Variants in PDE7A observed in about 807,000 individuals in gnomAD.
The protein encoded by PDE7A is high affinity 3',5'-cyclic-AMP phosphodiesterase 7A.
PDE7A carries 39 observed loss-of-function variants against 64.3 expected under a neutral mutation model. The observed-to-expected ratio is 0.61, with a 90% CI of 0.47 to 0.79. The LOEUF is 0.79. Among genes scored for constraint, PDE7A ranks in the 30% least tolerant of loss-of-function variants. The pLI, the probability that PDE7A is intolerant of heterozygous loss-of-function variation, is 0.00. For synonymous variants in PDE7A, 203 were observed against 206.8 expected (o/e 0.98, Z 0.16); for missense variants, 470 against 582.8 (o/e 0.81, Z 1.99).
intron 3 of PDE7A, among the ~76,000 whole-genome samples, chr8:65,778,035 T>G (rs1231452112): frequency 6.6e-6 from 1 of 152,192 alleles, no homozygotes. Flanking sequence ...CTTAATTACT[T>G]TTTCAAAACA....
chr8:65,756,162 C>T (rs185321493), intron 3 of PDE7A, among the ~76,000 whole-genome samples: 1 of 152,164 alleles, frequency 6.6e-6, no homozygotes, highest in Non-Finnish European at 1.5e-5. Context: ...TTGTACAAGA[C>T]AAGTTGCTTC....
At chr8:65,822,793 C>T (rs954703063) in intron 1 of PDE7A, among the ~76,000 whole-genome samples, 15 of 152,108 alleles carry the variant, frequency 9.9e-5, no homozygotes, top group Non-Finnish European at 2.1e-4. Context: ...CAAGAACCCC[C>T]AAATGTTTGA....
intron 9 of PDE7A, chr8:65,725,352 G>C (rs1216089716): frequency 6.4e-6 from 1 of 155,820 alleles, no homozygotes; most frequent in Non-Finnish European, 1.4e-5. Flanking sequence ...GATTCAAATA[G>C]AAAGAATAAT....
intron 2 of PDE7A, 38 bp from the exon 3 acceptor site, chr8:65,779,841 T>C (rs377114373): frequency 1.9e-4 from 258 of 1,352,228 alleles, no homozygotes; most frequent in Non-Finnish European, 2.5e-4. Context: ...GTTTAGAAGG[T>C]TGTCATTCGG....
chr8:65,836,162 C>T (rs1231110571), intron 1 of PDE7A, among the ~76,000 whole-genome samples: 2 of 152,178 alleles, frequency 1.3e-5, no homozygotes, highest in African/African-American at 4.8e-5. Context: ...CCACACTAGT[C>T]CCTGTATCAG....
At chr8:65,733,648 G>T (rs1806998649) in intron 7 of PDE7A, among the ~76,000 whole-genome samples, 1 of 152,060 alleles carries the variant, frequency 6.6e-6, no homozygotes, top group Non-Finnish European at 1.5e-5. Context: ...TGGGTGGTTG[G>T]GAGTATACAT....
At chr8:65,756,090 ATTCCCTTCTGGCCACCAAGG>A in intron 3 of PDE7A, among the ~76,000 whole-genome samples, 1 of 152,326 alleles carries the variant, frequency 6.6e-6, no homozygotes, top group Non-Finnish European at 1.5e-5. Context: ...ATGTTAGTTT[ATTCCCTTCTGGCCACCAAGG>A]TTCTTAATGA....
intron 1 of PDE7A, among the ~76,000 whole-genome samples, chr8:65,783,573 C>T (rs986347752): frequency 6.6e-6 from 1 of 152,176 alleles, no homozygotes; most frequent in Non-Finnish European, 1.5e-5. Context: ...AATCTACAGC[C>T]ACCTAGAAGC....
chr8:65,753,506 T>TCCCCACCCTCACCCAC, intron 3 of PDE7A, among the ~76,000 whole-genome samples: 1 of 152,190 alleles, frequency 6.6e-6, no homozygotes, highest in East Asian at 1.9e-4. Flanking sequence ...CAGGGTGAGC[T>TCCCCACCCTCACCCAC]CCCCACCCTC....
In PDE7A at chr8:65,715,984, A is replaced by G; in HGVS notation, c.*3306T>C. 8.2e-6 allele frequency among the ~76,000 whole-genome samples: 1 copy of G among 121,788 alleles called. No individual in the cohort carries two copies. Among genetic ancestry groups the G allele is most frequent in the African/African-American group, 3.0e-5 (1 of 33,530 alleles). 79.9% of individuals were successfully genotyped at this position (121,788 alleles called of 152,430 possible). A position where few individuals can be genotyped will look rare whatever the true frequency, so the allele number is the denominator to read the frequency against. On this transcript the variant is annotated 3_prime_UTR_variant, in exon 13 of 13. Transcript: ENST00000401827. ...TGCACTCCAGCCTGGGCGACAGAGC[A>G]AGGCTCTGTCTCAAAAAAAAAAAAA...
At position 65,745,447 on chromosome 8, in the gene PDE7A, AT is replaced by A; in HGVS notation, c.458del (p.Asn153IlefsTer12). 1 of 1,573,598 alleles carries A rather than the reference AT, an allele frequency of 6.4e-7. No homozygotes were observed. Among genetic ancestry groups the A allele is most frequent in the Non-Finnish European group, 8.7e-7 (1 of 1,143,284 alleles). ...QAKCMLEKVG[N>X]WNFDIFLFDR... ...CAAATAGAAAGATATCAAAATTCCA[AT>A]TTCCAACTTTTTCCAGCATACACTG... is the stretch of plus-strand genomic sequence containing the variant. On this transcript the variant is annotated frameshift_variant, in exon 5 of 13. Transcript: ENST00000401827. LOFTEE classifies it high-confidence loss of function.
chr8:65,758,587 A>G (rs1040832311), intron 3 of PDE7A, among the ~76,000 whole-genome samples: 1 of 152,246 alleles, frequency 6.6e-6, no homozygotes, highest in African/African-American at 2.4e-5. Flanking sequence ...GACGGTGAGT[A>G]AGCCAGCCCT....
At chr8:65,745,369 G>C (rs1024065488) in intron 5 of PDE7A, 38 bp downstream of exon 5, 1 of 1,156,670 alleles carries the variant, frequency 8.6e-7, no homozygotes, top group African/African-American at 1.5e-5. Context: ...CAGTAATCTA[G>C]ACTACATTAA....
intron 3 of PDE7A, among the ~76,000 whole-genome samples, chr8:65,750,052 T>TA (rs1446104495): frequency 2.6e-5 from 4 of 152,166 alleles, no homozygotes; most frequent in African/African-American, 9.7e-5. Flanking sequence ...AGATAAGATC[T>TA]AATTAATGTA....
intron 4 of PDE7A, among the ~76,000 whole-genome samples, chr8:65,747,432 A>G (rs867916920): frequency 2.0e-5 from 3 of 152,232 alleles, no homozygotes; most frequent in Non-Finnish European, 4.4e-5. Context: ...ATAATAAATG[A>G]AAACATTGTC....
intron 3 of PDE7A, among the ~76,000 whole-genome samples, chr8:65,755,707 C>A (rs747004266): frequency 6.6e-6 from 1 of 152,186 alleles, no homozygotes; most frequent in African/African-American, 2.4e-5. Context: ...GTAACCTTTA[C>A]CAGTGTTCTT....
At chr8:65,754,625 A>G (rs867410949) in intron 3 of PDE7A, among the ~76,000 whole-genome samples, 66 of 147,748 alleles carry the variant, frequency 4.5e-4, no homozygotes, top group Middle Eastern at 3.4e-3. Context: ...CTGAGCCACC[A>G]TGCCCAGCCG....
At chr8:65,797,343 G>C (rs374343044) in intron 1 of PDE7A, among the ~76,000 whole-genome samples, 11 of 152,162 alleles carry the variant, frequency 7.2e-5, no homozygotes, top group African/African-American at 2.7e-4. Context: ...AGGGAAATTT[G>C]GACAGACCAC....
intron 1 of PDE7A, among the ~76,000 whole-genome samples, chr8:65,791,633 A>G (rs2128926122): frequency 6.6e-6 from 1 of 152,282 alleles, no homozygotes; most frequent in African/African-American, 2.4e-5. Context: ...TTCCCCCAGC[A>G]TCCACTTCCT....
Sources: allele counts gnomAD v4.1 joint callset (sites outside exome capture counted in the v4.1 genomes callset), GRCh38; gene constraint gnomAD v4.1.1; transcripts MANE v1.5; gene names NCBI Gene and HGNC (gene_info 2026-07-23, HGNC 2026-07-21).